CASP8: variants seen among roughly 807,000 people sequenced by gnomAD.
CASP8 encodes the protein caspase-8.
A neutral mutation model predicts 46.3 loss-of-function variants in CASP8; 24 were observed. That is an observed-to-expected ratio of 0.52 (90% CI 0.38 to 0.73). CASP8 has a LOEUF of 0.73. CASP8 is among the 30% of genes least tolerant of loss of function. The probability of loss-of-function intolerance (pLI) is 0.00; values close to 1 mark genes in which losing one functional copy is unlikely to be tolerated. For missense variants in CASP8, 460 were observed against 559.0 expected, an observed-to-expected ratio of 0.82 and a Z score of 1.79; for synonymous variants, 188 against 200.4, an observed-to-expected ratio of 0.94 and a Z score of 0.52.
chr2:201,259,127 T>C (rs1947209445), upstream of CASP8, among the ~76,000 whole-genome samples: 1 of 152,212 alleles, frequency 6.6e-6, no homozygotes, highest in Non-Finnish European at 1.5e-5. Flanking sequence ...TATTGCATAT[T>C]AATACTATTG....
chr2:201,239,364 T>C (rs549351206), intron 2 of CASP8, among the ~76,000 whole-genome samples: 9 of 152,080 alleles, frequency 5.9e-5, no homozygotes, highest in South Asian at 4.2e-4. Context: ...GCGCCCCTCA[T>C]CTCCCAGACG....
At position 201,236,428 on chromosome 2, in the gene CASP8, G is replaced by A. The variant is rs540230363; in HGVS notation, c.-27+2316G>A. Among the ~76,000 whole-genome samples, 10 of 152,114 alleles carry A rather than the reference G, an allele frequency of 6.6e-5. No individual in the cohort carries two copies. The South Asian group carries it at 1.9e-3, about 28-fold the overall frequency. ...TCCAGGCCAATAACAAATTCCTGAC[G>A]CCATGAAGTCAAAGATCTAACTCCC... On this transcript the variant is annotated intron_variant, in intron 2 of 6. Transcript: ENST00000264274.
intron 2 of CASP8, among the ~76,000 whole-genome samples, chr2:201,235,422 A>G (rs868501007): frequency 6.6e-5 from 10 of 152,278 alleles, no homozygotes; most frequent in African/African-American, 2.4e-4. Flanking sequence ...TGTCAATATA[A>G]TTGGGCTAAA....
chr2:201,271,285 AG>A (rs1948228881), intron 2 of CASP8, among the ~76,000 whole-genome samples: 1 of 152,232 alleles, frequency 6.6e-6, no homozygotes, highest in Admixed American at 6.5e-5. Context: ...ATAAACTGAA[AG>A]AAAAGTTGAT....
At chr2:201,267,917 AT>A (rs1336170356) in intron 2 of CASP8, among the ~76,000 whole-genome samples, 3 of 151,894 alleles carry the variant, frequency 2.0e-5, no homozygotes, top group Admixed American at 6.6e-5. Context: ...AGGCTTGACT[AT>A]TTTTTGTTTT....
At chr2:201,282,714 C>T (rs1318401340) in intron 7 of CASP8, among the ~76,000 whole-genome samples, 5 of 86,386 alleles carry the variant, frequency 5.8e-5, no homozygotes, top group African/African-American at 2.0e-4. Context: ...ACCTCCCTCC[C>T]GGATGGGGCG....
rs747088383 is a variant in CASP8, at chr2:201,272,620, T to C, written c.412-18T>C. The C allele has an allele frequency of 6.8e-6, 11 of 1,613,976 alleles. No homozygotes were observed. The East Asian group carries it at 2.2e-4, about 33-fold the overall frequency. Reference sequence around the variant, plus strand: ...AGGGCTCAATCCAGATTCCCAACTTTATTTCTCCTCCTCTTAGAACCTGCT... The same window carrying C: ...AGGGCTCAATCCAGATTCCCAACTTCATTTCTCCTCCTCTTAGAACCTGCT... On this transcript the variant is annotated intron_variant, in intron 3 of 8. Coordinates refer to ENST00000673742, the MANE Select transcript of CASP8 (RefSeq NM_001372051.1). This position sits in a 1 kb window ranked among gnomAD's most constrained non-coding sequence, Gnocchi z 4.4.
chr2:201,261,389 CT>C (rs1947389424), intron 1 of CASP8, among the ~76,000 whole-genome samples: 1 of 65,426 alleles, frequency 1.5e-5, no homozygotes. Context: ...GAAACTCCGT[CT>C]CAAAAAAAAA....
intron 2 of CASP8, among the ~76,000 whole-genome samples, chr2:201,238,581 A>G (rs906866905): frequency 6.6e-6 from 1 of 151,942 alleles, no homozygotes; most frequent in African/African-American, 2.4e-5. Context: ...AGCTGGGACA[A>G]TAGGCATGTG....
In CASP8 at chr2:201,265,379, GAA is replaced by G. The variant is rs58885732; in HGVS notation, c.-26-1071_-26-1070del. Reference sequence around the variant, plus strand: ...GACAGAGCAAGACTGGGTCTCAAAAGAAAAAAAAAAAACGAAAACTAAATACC... The same window carrying G: ...GACAGAGCAAGACTGGGTCTCAAAAGAAAAAAAAAACGAAAACTAAATACC... On this transcript the variant is annotated intron_variant, in intron 1 of 8. Coordinates refer to ENST00000673742, the MANE Select transcript of CASP8 (RefSeq NM_001372051.1). 1.9e-3 allele frequency among the ~76,000 whole-genome samples: 277 copies of G among 144,534 alleles called. 1 individual carries two copies. Among genetic ancestry groups the G allele is most frequent in the African/African-American group, 6.3e-3 (245 of 39,060 alleles). The allele number at this position is 144,534 out of a possible 152,430, so 94.8% of individuals were successfully genotyped here.
intron 8 of CASP8, 108 bp from the exon 9 acceptor site, chr2:201,286,351 A>G (rs745885046): frequency 1.5e-6 from 2 of 1,373,448 alleles, no homozygotes; most frequent in African/African-American, 2.8e-5. Context: ...CAAATGACTG[A>G]TATTTTGAGA....
chr2:201,286,361 A>C, intron 8 of CASP8, 98 bp from the exon 9 acceptor site: 1 of 1,440,348 alleles, frequency 6.9e-7, no homozygotes, highest in Non-Finnish European at 9.7e-7. Context: ...ATATTTTGAG[A>C]GAAAGAACTA....
intron 7 of CASP8, among the ~76,000 whole-genome samples, chr2:201,277,471 GA>G (rs1948709075): frequency 6.6e-6 from 1 of 151,882 alleles, no homozygotes; most frequent in Non-Finnish European, 1.5e-5. Context: ...CAAGTTAAAT[GA>G]AAAAACAATT....
At position 201,245,492 on chromosome 2, in the gene CASP8, C is replaced by T. The variant is rs572621312; in HGVS notation, c.-27+11380C>T. On this transcript the variant is annotated intron_variant, in intron 2 of 6. Transcript: ENST00000264274. The stretch of plus-strand genomic sequence containing the variant: ...CTAACTTCAAGTGATCCGCCCACCT[C>T]GGCCTCCCAAAGTGTTGGGATTACA... Among the ~76,000 whole-genome samples the T allele has an allele frequency of 3.1e-3, 465 of 152,354 alleles. 1 individual carries two copies. The highest frequency in any genetic ancestry group is 0.01 in the African/African-American group (435 of 41,588).
At chr2:201,282,069 C>T (rs1280905278) in intron 7 of CASP8, among the ~76,000 whole-genome samples, 1 of 71,228 alleles carries the variant, frequency 1.4e-5, no homozygotes, top group East Asian at 3.7e-4. Context: ...TTTTCCTAGG[C>T]AGAGGACCCT....
rs558550293 is a variant in CASP8, at chr2:201,260,565, A to G, written c.-75A>G. 304 of 985,320 alleles carry G rather than the reference A, an allele frequency of 3.1e-4. No homozygotes were observed. Among genetic ancestry groups the G allele is most frequent in the Non-Finnish European group, 3.5e-4 (290 of 829,846 alleles). The allele number at this position is 985,320 out of a possible 1,614,324, so 61.0% of individuals were successfully genotyped here. On this transcript the variant is annotated 5_prime_UTR_variant, in exon 1 of 9. It removes an upstream start codon present in the reference 5' UTR. Coordinates refer to ENST00000673742, the MANE Select transcript of CASP8 (RefSeq NM_001372051.1). ...GTTTGCTCTTGTCTTAGATGCTCAG[A>G]TGGTAGTGGATAGGCCTGTGACGAA...
At chr2:201,255,943 A>T (rs1946997946), upstream of CASP8, among the ~76,000 whole-genome samples, 1 of 152,140 alleles carries the variant, frequency 6.6e-6, no homozygotes, top group Non-Finnish European at 1.5e-5. Context: ...TTTTCTGCAG[A>T]GACAGTGTCT....
chr2:201,277,741 C>A (rs1948732212), intron 7 of CASP8: 2 of 430,684 alleles, frequency 4.6e-6, no homozygotes, highest in Non-Finnish European at 4.6e-6. Context: ...CACTCTGTTG[C>A]CCAGGCTGGA....
chr2:201,236,159 A>G (rs1464165453), intron 2 of CASP8, among the ~76,000 whole-genome samples: 8 of 152,146 alleles, frequency 5.3e-5, no homozygotes, highest in African/African-American at 1.9e-4. Context: ...AATATTTCGT[A>G]TGCCCTCTTG....
Sources: gnomAD v4.1 joint callset for allele counts (sites outside exome capture counted in the v4.1 genomes callset) on GRCh38, gnomAD v4.1.1 for gene constraint, Gnocchi (gnomAD v3.1) non-coding constraint, MANE v1.5 for transcripts, NCBI Gene and HGNC (gene_info 2026-07-23, HGNC 2026-07-21) for gene names.